MRPL3: variants seen among roughly 807,000 people sequenced by gnomAD.
MRPL3 encodes the protein large ribosomal subunit protein uL3m.
Under a neutral mutation model 44.3 loss-of-function variants are expected in MRPL3, and 43 were observed. The ratio of observed to expected loss-of-function variants is 0.97; its 90% CI spans 0.76 to 1.25. The LOEUF (loss-of-function observed/expected upper bound fraction) is 1.25. Ranked by LOEUF, MRPL3 falls within the 50% of genes most tolerant of loss-of-function variation. The pLI is 0.00. For missense variants in MRPL3, 406 were observed against 427.6 expected (o/e 0.95, Z 0.45); for synonymous variants, 171 against 152.3 (o/e 1.12, Z -0.91).
intron 4 of MRPL3, 199 bp downstream of exon 4, chr3:131,497,980 G>C: frequency 1.7e-6 from 1 of 576,224 alleles, no homozygotes; most frequent in Non-Finnish European, 3.1e-6. Flanking sequence ...CCAGATACAG[G>C]GAGAGGTATT....
intron 6 of MRPL3, among the ~76,000 whole-genome samples, chr3:131,476,355 T>C (rs1457241063): frequency 6.6e-6 from 1 of 152,120 alleles, no homozygotes; most frequent in African/African-American, 2.4e-5. Flanking sequence ...GATACTACTC[T>C]CAGTTGTCAC....
rs1412589546 is a variant in MRPL3 at position 131,487,472 on chromosome 3, A to C, written c.629+208T>G. ...ATAAAAAAAAAACAAATAAAAATAA[A>C]AGCTATAACCTGATGTGAACCCTTT... On this transcript the variant is annotated intron_variant, in intron 6 of 9. Transcript: ENST00000264995. The C allele has an allele frequency of 6.2e-6, 3 of 483,018 alleles. No homozygotes were observed. The East Asian group carries it at 1.1e-4, about 18-fold the overall frequency. 29.9% of individuals were successfully genotyped at this position (483,018 alleles called of 1,614,324 possible). A position where few individuals can be genotyped will look rare whatever the true frequency, so the allele number is the denominator to read the frequency against.
chr3:131,466,301 GAAGA>G (rs1933599368), intron 9 of MRPL3, among the ~76,000 whole-genome samples: 1 of 152,060 alleles, frequency 6.6e-6, no homozygotes, highest in South Asian at 2.1e-4. Context: ...GAAAATCAAT[GAAGA>G]GTATACTCTG....
At chr3:131,472,718 A>C (rs569101531) in intron 6 of MRPL3, among the ~76,000 whole-genome samples, 2 of 152,322 alleles carry the variant, frequency 1.3e-5, no homozygotes, top group South Asian at 4.1e-4. Flanking sequence ...AAATTCAGTA[A>C]AGTTGCAGGA....
chr3:131,467,783 C>G (rs779745630), intron 9 of MRPL3, among the ~76,000 whole-genome samples: 7 of 152,012 alleles, frequency 4.6e-5, no homozygotes, highest in Non-Finnish European at 1.0e-4. Flanking sequence ...TTATAGGAGT[C>G]CATCCATTCT....
In MRPL3 at chr3:131,498,862, C is replaced by G. The variant is rs112652583; in HGVS notation, c.370-585G>C. On this transcript the variant is annotated intron_variant, in intron 3 of 9. Coordinates refer to ENST00000264995, the MANE Select transcript of MRPL3 (RefSeq NM_007208.4). ...CCAATCACCTCCTCATCTTTTTACC[C>G]AAGAGCAGGAGTTCTCAAAAGTATG... Among the ~76,000 whole-genome samples the G allele has an allele frequency of 1.7e-3, 261 of 152,190 alleles. 2 individuals are homozygous for G. Among genetic ancestry groups the G allele is most frequent in the African/African-American group, 5.9e-3 (244 of 41,526 alleles).
chr3:131,493,554 G>T (rs1417010540), intron 4 of MRPL3, among the ~76,000 whole-genome samples: 1 of 152,156 alleles, frequency 6.6e-6, no homozygotes, highest in Admixed American at 6.5e-5. Flanking sequence ...AGACAATAAA[G>T]AAGTGGGCTA....
At chr3:131,473,836 T>C (rs781656583) in intron 6 of MRPL3, among the ~76,000 whole-genome samples, 2 of 152,004 alleles carry the variant, frequency 1.3e-5, no homozygotes, top group Non-Finnish European at 2.9e-5. Flanking sequence ...ATCAGGGAAA[T>C]GCAAATCAAA....
chr3:131,487,735 G>A lies in MRPL3; in HGVS notation c.574C>T (p.Pro192Ser), dbSNP rs1231747079. The A allele has an allele frequency of 6.2e-7, 1 of 1,608,506 alleles. No individual in the cohort carries two copies. The change falls in exon 6 of 10, where the codon CCT becomes TCT. Residue 192 changes from proline to serine, a missense_variant. Physicochemically the swap from Pro to Ser is moderately conservative, Grantham distance 74. Transcript: ENST00000264995. The stretch of plus-strand genomic sequence containing the variant: ...GGACGAAAGTGAGCAGCATAAAGAG[G>A]AGTGCCTTTATGAAAAGAAAATGAA... ...TDNAAIKPGT[P>S]LYAAHFRPGQ...
intron 6 of MRPL3, 29 bp from the exon 7 acceptor site, chr3:131,471,308 TAATG>T: frequency 1.4e-6 from 2 of 1,465,844 alleles, no homozygotes; most frequent in Non-Finnish European, 1.9e-6. Flanking sequence ...AGAATTTACA[TAATG>T]AAAAGAGCAT....
chr3:131,489,877 T>C (rs1350858782), intron 5 of MRPL3, 104 bp downstream of exon 5: 1 of 688,520 alleles, frequency 1.5e-6, no homozygotes, highest in South Asian at 1.8e-5. Context: ...AAGTAAGTGT[T>C]TGAGACTTTG....
intron 4 of MRPL3, among the ~76,000 whole-genome samples, chr3:131,490,910 G>C (rs916905230): frequency 2.0e-5 from 3 of 152,172 alleles, no homozygotes; most frequent in Non-Finnish European, 4.4e-5. Flanking sequence ...CATGCTGACA[G>C]ATGAGCTCTC....
chr3:131,469,459 C>T (rs1933692899), intron 8 of MRPL3, among the ~76,000 whole-genome samples: 1 of 151,148 alleles, frequency 6.6e-6, no homozygotes, highest in African/African-American at 2.4e-5. Flanking sequence ...CTAATTTTGT[C>T]TCTTTAATGA....
chr3:131,492,426 G>A (rs1380038106), intron 4 of MRPL3, among the ~76,000 whole-genome samples: 5 of 152,134 alleles, frequency 3.3e-5, no homozygotes, highest in Non-Finnish European at 7.3e-5. Flanking sequence ...GACCAGTGGA[G>A]GCAGCAAGAG....
At chr3:131,476,436 T>C (rs2110700054) in intron 6 of MRPL3, among the ~76,000 whole-genome samples, 1 of 152,208 alleles carries the variant, frequency 6.6e-6, no homozygotes, top group South Asian at 2.1e-4. Context: ...CCAGACACAT[T>C]TCAAGTAAAA....
chr3:131,464,224 T>C (rs1933551504), intron 9 of MRPL3, among the ~76,000 whole-genome samples: 1 of 152,122 alleles, frequency 6.6e-6, no homozygotes, highest in East Asian at 1.9e-4. Context: ...ATTTGAGAAA[T>C]AAAAATTTAG....
chr3:131,501,843 C>T (rs1389234040), intron 1 of MRPL3, 128 bp from the exon 2 acceptor site: 2 of 1,568,450 alleles, frequency 1.3e-6, no homozygotes, highest in African/African-American at 2.7e-5. Flanking sequence ...ATTCTGTATA[C>T]CTTTTTTTCA....
chr3:131,500,567 T>C, intron 2 of MRPL3, 46 bp from the exon 3 acceptor site: 2 of 1,476,856 alleles, frequency 1.4e-6, no homozygotes, highest in East Asian at 2.3e-5. Context: ...TTTTGCAACA[T>C]TCACCAACAT....
chr3:131,488,723 C>T (rs1389827543), intron 5 of MRPL3: 1 of 151,914 alleles, frequency 6.6e-6, no homozygotes, highest in East Asian at 1.9e-4. Context: ...ATACAAGCAG[C>T]AAAGTGCTGT....
Sources: gnomAD v4.1 joint callset for allele counts (sites outside exome capture counted in the v4.1 genomes callset) on GRCh38, gnomAD v4.1.1 for gene constraint, MANE v1.5 for transcripts, NCBI Gene and HGNC (gene_info 2026-07-23, HGNC 2026-07-21) for gene names.